The following CAB39 variants were observed in gnomAD, a reference collection of about 807,000 sequenced individuals.
CAB39 encodes calcium-binding protein 39.
Under a neutral mutation model 40.0 loss-of-function variants are expected in CAB39, and 8 were observed. That is an observed-to-expected ratio of 0.20 (90% CI 0.12 to 0.36). The LOEUF (loss-of-function observed/expected upper bound fraction) is 0.36. Among genes scored for constraint, CAB39 ranks in the 10% least tolerant of loss-of-function variants. The pLI is 1.00. For missense variants in CAB39, 270 were observed against 401.1 expected, an observed-to-expected ratio of 0.67 and a Z score of 2.79; for synonymous variants, 156 against 141.6, an observed-to-expected ratio of 1.10 and a Z score of -0.72.
intron 1 of CAB39, among the ~76,000 whole-genome samples, chr2:230,726,465 C>T (rs1224987125): frequency 2.0e-5 from 3 of 152,038 alleles, no homozygotes; most frequent in Non-Finnish European, 4.4e-5. Flanking sequence ...AGCCACTGCA[C>T]CTGGTCTCAT....
chr2:230,811,359 A>G (rs1696302826), intron 6 of CAB39, among the ~76,000 whole-genome samples: 1 of 152,106 alleles, frequency 6.6e-6, no homozygotes, highest in Admixed American at 6.5e-5. Flanking sequence ...AACATAACAC[A>G]ACACTGAGCA....
At chr2:230,818,052 G>GA in intron 8 of CAB39, 155 bp downstream of exon 8, 4 of 667,994 alleles carry the variant, frequency 6.0e-6, no homozygotes, top group Non-Finnish European at 1.0e-5. Flanking sequence ...CTTTTAAACA[G>GA]AAAGGTAGAC....
intron 1 of CAB39, among the ~76,000 whole-genome samples, chr2:230,725,611 A>C (rs1252252135): frequency 6.6e-6 from 1 of 152,224 alleles, no homozygotes; most frequent in Non-Finnish European, 1.5e-5. Context: ...CCTAGATTTG[A>C]AACCCAGGTC....
chr2:230,796,334 A>G (rs1313520861), intron 4 of CAB39, among the ~76,000 whole-genome samples: 1 of 152,068 alleles, frequency 6.6e-6, no homozygotes, highest in Non-Finnish European at 1.5e-5. Flanking sequence ...GTGTTAGACT[A>G]CATTTGGAGG....
rs770984277 is a variant in CAB39 at position 230,749,943 on chromosome 2, C to T, written c.-43-10016C>T. On this transcript the variant is annotated intron_variant, in intron 1 of 8. Transcript: ENST00000258418. ...AGTTGCTAAAAACCTGCTTTGAAGT[C>T]CCAGCTTTTTCGCTTTACTAGCTAG... 3.3e-5 allele frequency among the ~76,000 whole-genome samples: 5 copies of T among 152,260 alleles called. No individual in the cohort carries two copies. In the South Asian group the frequency reaches 6.2e-4, roughly 19 times the overall value.
chr2:230,723,418 A>G (rs1360252656), intron 1 of CAB39, among the ~76,000 whole-genome samples: 1 of 151,994 alleles, frequency 6.6e-6, no homozygotes, highest in African/African-American at 2.4e-5. Flanking sequence ...TCCCCCAAAC[A>G]CAGGAAGACA....
chr2:230,716,086 T>C (rs373066410), intron 1 of CAB39, among the ~76,000 whole-genome samples: 10 of 152,228 alleles, frequency 6.6e-5, no homozygotes, highest in Admixed American at 4.6e-4. Context: ...TTTTTTCCCA[T>C]GTATTTTACA....
At chr2:230,788,626 C>T (rs974836384) in intron 2 of CAB39, among the ~76,000 whole-genome samples, 2 of 152,176 alleles carry the variant, frequency 1.3e-5, no homozygotes, top group Non-Finnish European at 2.9e-5. Flanking sequence ...TTCTGTGTCT[C>T]AAAAACTCTA....
At chr2:230,810,136 A>T in intron 5 of CAB39, 127 bp from the exon 6 acceptor site, 1 of 555,268 alleles carries the variant, frequency 1.8e-6, no homozygotes, top group Non-Finnish European at 3.2e-6. Context: ...AATACAATTC[A>T]TGCTAAAATG....
At chr2:230,767,780 C>T (rs1461274151) in intron 2 of CAB39, among the ~76,000 whole-genome samples, 1 of 152,176 alleles carries the variant, frequency 6.6e-6, no homozygotes, top group African/African-American at 2.4e-5. Context: ...CCACATTGGT[C>T]TCCTTTCCTC....
intron 1 of CAB39, among the ~76,000 whole-genome samples, chr2:230,742,570 AAAAAAAAT>A (rs1038943603): frequency 1.3e-5 from 2 of 152,120 alleles, no homozygotes; most frequent in African/African-American, 4.8e-5. Context: ...AAAAAAAAAA[AAAAAAAAT>A]CTAAACAGCC....
Position 230,713,046 on chromosome 2 carries a change from C to T in CAB39, c.-228C>T, listed in dbSNP as rs1297695078. 6.6e-6 allele frequency: 1 copy of T among 150,872 alleles called. No individual in the cohort carries two copies. 9.3% of individuals were successfully genotyped at this position (150,872 alleles called of 1,614,324 possible). A position where few individuals can be genotyped will look rare whatever the true frequency, so the allele number is the denominator to read the frequency against. ...GCCGCGGGAGCCCCTGGGCAGCCGT[C>T]CGCCCGCGCAGCCGCCGCCGCCGCG... On this transcript the variant is annotated 5_prime_UTR_variant, in exon 1 of 9. Coordinates refer to ENST00000258418, the MANE Select transcript of CAB39 (RefSeq NM_016289.4).
At position 230,791,002 on chromosome 2, in the gene CAB39, C is replaced by T; in HGVS notation, c.245C>T (p.Thr82Ile). The T allele has an allele frequency of 6.2e-7, 1 of 1,603,558 alleles. No homozygotes were observed. Among genetic ancestry groups the T allele is most frequent in the South Asian group, 1.1e-5 (1 of 88,296 alleles). The change falls in exon 3 of 9, where the codon ACC (threonine) becomes ATC (isoleucine). Residue 82 changes from threonine to isoleucine, a missense_variant. Physicochemically the swap from Thr to Ile is moderately conservative, Grantham distance 89. Transcript: ENST00000258418. Reference sequence around the variant, plus strand: ...CTCTATAATAGTGGGCTCCTTAGCACCCTGGTAGCTGATTTACAGCTCATT... The same window carrying T: ...CTCTATAATAGTGGGCTCCTTAGCATCCTGGTAGCTGATTTACAGCTCATT... ...QELYNSGLLS[T>I]LVADLQLIDF...
rs1695879414 is a variant in CAB39, at chr2:230,790,736, T to C, written c.115-136T>C. The stretch of plus-strand genomic sequence containing the variant: ...CAGCTCCTGAGGGCAAGGATGGAGC[T>C]TGCCCACTTTGCTTCTTGTTCATAG... On this transcript the variant is annotated intron_variant, in intron 2 of 8. Transcript: ENST00000258418. 3.4e-5 allele frequency: 24 copies of C among 711,626 alleles called. No individual in the cohort carries two copies. In the South Asian group the frequency reaches 4.4e-4, roughly 13 times the overall value. The allele number at this position is 711,626 out of a possible 1,614,324, so 44.1% of individuals were successfully genotyped here.
intron 1 of CAB39, among the ~76,000 whole-genome samples, chr2:230,725,766 A>G (rs369279983): frequency 6.6e-6 from 1 of 152,226 alleles, no homozygotes. Context: ...TCAGGACACA[A>G]AGAACTTTCA....
intron 6 of CAB39, 189 bp from the exon 7 acceptor site, chr2:230,813,860 C>CAG: frequency 2.0e-6 from 1 of 492,920 alleles, no homozygotes; most frequent in Non-Finnish European, 3.5e-6. Context: ...CTGAGAGTCT[C>CAG]AGAGCAAACA....
Position 230,818,867 on chromosome 2 carries a change from A to G in CAB39, c.*163A>G, listed in dbSNP as rs1434259666. On this transcript the variant is annotated 3_prime_UTR_variant, in exon 9 of 9. Coordinates refer to ENST00000258418, the MANE Select transcript of CAB39 (RefSeq NM_016289.4). The stretch of plus-strand genomic sequence containing the variant: ...TTTTTCAGTCCAGGTTGGAGATCGT[A>G]GCTGCTGCTGCTTGCACACTAGGGC... 3.5e-6 allele frequency: 2 copies of G among 578,560 alleles called. No individual in the cohort carries two copies. Among genetic ancestry groups the G allele is most frequent in the Non-Finnish European group, 6.1e-6 (2 of 327,638 alleles). 35.8% of individuals were successfully genotyped at this position (578,560 alleles called of 1,614,324 possible). A position where few individuals can be genotyped will look rare whatever the true frequency, so the allele number is the denominator to read the frequency against.
At chr2:230,804,215 G>A (rs1358868437) in intron 5 of CAB39, among the ~76,000 whole-genome samples, 1 of 152,150 alleles carries the variant, frequency 6.6e-6, no homozygotes, top group East Asian at 1.9e-4. Flanking sequence ...AGCTGAAACT[G>A]GACACCTTCC....
rs1421353027 is a variant in CAB39, at chr2:230,760,015, T to C, written c.14T>C (p.Phe5Ser). The C allele has an allele frequency of 6.2e-7, 1 of 1,611,672 alleles. No individual in the cohort carries two copies. Among genetic ancestry groups the C allele is most frequent in the Non-Finnish European group, 8.5e-7 (1 of 1,177,912 alleles). MPFP[F>S]GKSHKSPADI... ...GCCGCTGCCGTCATGCCGTTCCCGT[T>C]TGGGAAGTCTCACAAATCTCCAGCA... The change falls in exon 2 of 9, where the codon TTT (phenylalanine) becomes TCT (serine). Residue 5 changes from phenylalanine (F) to serine (S), a missense_variant. Physicochemically the swap from Phe to Ser is radical, Grantham distance 155. Coordinates refer to ENST00000258418, the MANE Select transcript of CAB39 (RefSeq NM_016289.4).
Sources: gnomAD v4.1 joint callset for allele counts (sites outside exome capture counted in the v4.1 genomes callset) on GRCh38, gnomAD v4.1.1 for gene constraint, MANE v1.5 for transcripts, NCBI Gene and HGNC (gene_info 2026-07-23, HGNC 2026-07-21) for gene names.